Variants in HEMK2 observed in about 807,000 individuals in gnomAD.
The protein encoded by HEMK2 is methyltransferase HEMK2.
the HEMK2 span, among the ~76,000 whole-genome samples, chr21:28,695,979 T>C: frequency 6.6e-6 from 1 of 151,980 alleles, no homozygotes; most frequent in African/African-American, 2.4e-5. Context: ...AATTTTTATA[T>C]ATATATATAA....
the HEMK2 span, among the ~76,000 whole-genome samples, chr21:28,864,820 C>CAGACAGACAGATAGATAGAT: frequency 8.4e-6 from 1 of 119,100 alleles, no homozygotes; most frequent in Admixed American, 8.2e-5. Flanking sequence ...GACAGACAGA[C>CAGACAGACAGATAGATAGAT]AGATAGATAG....
At chr21:28,600,023 T>C in the HEMK2 span, among the ~76,000 whole-genome samples, 1 of 152,244 alleles carries the variant, frequency 6.6e-6, no homozygotes, top group Non-Finnish European at 1.5e-5. Context: ...TCTCCCCAGC[T>C]GCTTTCACAG....
At chr21:28,877,297 GAAGA>G in the HEMK2 span, among the ~76,000 whole-genome samples, 2 of 126,458 alleles carry the variant, frequency 1.6e-5, no homozygotes, top group East Asian at 2.3e-4. Flanking sequence ...AGGAAGGAAG[GAAGA>G]GAGAGAGAAA....
At chr21:28,581,133 T>C in the HEMK2 span, among the ~76,000 whole-genome samples, 1 of 152,088 alleles carries the variant, frequency 6.6e-6, no homozygotes, top group Non-Finnish European at 1.5e-5. Context: ...CACTGGTTAC[T>C]ACCTTGTCTG....
At chr21:28,780,405 C>T in the HEMK2 span, among the ~76,000 whole-genome samples, 4 of 121,930 alleles carry the variant, frequency 3.3e-5, no homozygotes, top group Admixed American at 8.3e-5. Context: ...TCTCCATCTC[C>T]TGACCTCATG....
At chr21:28,732,248 G>C in the HEMK2 span, among the ~76,000 whole-genome samples, 1 of 152,188 alleles carries the variant, frequency 6.6e-6, no homozygotes, top group African/African-American at 2.4e-5. Context: ...AAAGAGAATG[G>C]GAAAAATATT....
the HEMK2 span, among the ~76,000 whole-genome samples, chr21:28,773,772 G>A: frequency 1.3e-5 from 2 of 152,068 alleles, no homozygotes; most frequent in Non-Finnish European, 2.9e-5. Flanking sequence ...ATTCTCCATG[G>A]TTTCTACCTG....
At chr21:28,608,829 A>G in the HEMK2 span, among the ~76,000 whole-genome samples, 3 of 152,140 alleles carry the variant, frequency 2.0e-5, no homozygotes, top group Non-Finnish European at 4.4e-5. Flanking sequence ...CAACAGGGGC[A>G]GCCATCATCC....
the HEMK2 span, among the ~76,000 whole-genome samples, chr21:28,849,026 C>T: frequency 6.6e-6 from 1 of 152,228 alleles, no homozygotes; most frequent in African/African-American, 2.4e-5. Context: ...GCCCCAGCTG[C>T]TGGCATGTGT....
the HEMK2 span, chr21:28,885,348 T>G: frequency 1.9e-6 from 3 of 1,556,350 alleles, no homozygotes; most frequent in South Asian, 1.1e-5. Flanking sequence ...CCTGCCATAG[T>G]CCTTCGCTGC....
At chr21:28,760,501 A>C in the HEMK2 span, among the ~76,000 whole-genome samples, 1 of 152,238 alleles carries the variant, frequency 6.6e-6, no homozygotes, top group Non-Finnish European at 1.5e-5. Context: ...ACACTGGAAA[A>C]GAAACTTTTA....
the HEMK2 span, among the ~76,000 whole-genome samples, chr21:28,634,590 A>ACT: frequency 6.6e-6 from 1 of 152,046 alleles, no homozygotes; most frequent in South Asian, 2.1e-4. Flanking sequence ...GTATTCTTGT[A>ACT]CTCTCTACTG....
At chr21:28,698,414 T>C in the HEMK2 span, among the ~76,000 whole-genome samples, 2 of 152,306 alleles carry the variant, frequency 1.3e-5, no homozygotes, top group South Asian at 4.1e-4. Context: ...ACATTACAAA[T>C]AATATGTTAG....
At chr21:28,814,482 A>G in the HEMK2 span, among the ~76,000 whole-genome samples, 1 of 151,916 alleles carries the variant, frequency 6.6e-6, no homozygotes, top group South Asian at 2.1e-4. Flanking sequence ...CAACCTACTC[A>G]TCTGACAAAG....
At chr21:28,579,128 G>GATT in the HEMK2 span, among the ~76,000 whole-genome samples, 1 of 152,108 alleles carries the variant, frequency 6.6e-6, no homozygotes, top group Admixed American at 6.5e-5. Flanking sequence ...GAAAATGGAT[G>GATT]GTAATGCAAG....
At chr21:28,742,754 G>A in the HEMK2 span, among the ~76,000 whole-genome samples, 1 of 152,020 alleles carries the variant, frequency 6.6e-6, no homozygotes, top group African/African-American at 2.4e-5. Context: ...CAATGTCATG[G>A]TGCCATCTAC....
chr21:28,811,443 C>G, the HEMK2 span, among the ~76,000 whole-genome samples: 14,426 of 120,986 alleles, frequency 0.12, 2,008 homozygotes, highest in African/African-American at 0.35. Context: ...GAGGGACGGA[C>G]GCAGGGAGGG....
At chr21:28,589,409 G>A in the HEMK2 span, among the ~76,000 whole-genome samples, 1 of 152,132 alleles carries the variant, frequency 6.6e-6, no homozygotes. Flanking sequence ...GAGGGGGTTG[G>A]GGGAGAAAGG....
the HEMK2 span, among the ~76,000 whole-genome samples, chr21:28,738,630 G>A: frequency 6.6e-6 from 1 of 152,168 alleles, no homozygotes; most frequent in African/African-American, 2.4e-5. Flanking sequence ...GAGAAGCCAG[G>A]ACCCTGGGCC....
Sources: gnomAD v4.1 joint callset for allele counts (sites outside exome capture counted in the v4.1 genomes callset) on GRCh38, gnomAD v4.1.1 for gene constraint, MANE v1.5 for transcripts, NCBI Gene and HGNC (gene_info 2026-07-23, HGNC 2026-07-21) for gene names.